Variants in CPEB3 observed in about 807,000 individuals in gnomAD.
CPEB3 encodes cytoplasmic polyadenylation element binding protein 3, also known as cytoplasmic polyadenylation element-binding protein 3.
A neutral mutation model predicts 67.2 loss-of-function variants in CPEB3; 20 were observed. That is an observed-to-expected ratio of 0.30 (90% CI 0.21 to 0.43). The LOEUF is 0.43. Ranked by LOEUF, CPEB3 falls within the 20% of genes least tolerant of loss-of-function variation. CPEB3 has a pLI of 1.00. For synonymous variants in CPEB3, 376 were observed against 393.1 expected (o/e 0.96, Z 0.51); for missense variants, 746 against 968.6 (o/e 0.77, Z 3.05).
chr10:92,227,717 G>T (rs1310626651), intron 2 of CPEB3, among the ~76,000 whole-genome samples: 3 of 149,520 alleles, frequency 2.0e-5, no homozygotes, highest in Non-Finnish European at 4.4e-5. Flanking sequence ...TCAGCCTCCC[G>T]AGTAGCTGGG....
chr10:92,245,688 T>C (rs999580998), intron 1 of CPEB3, among the ~76,000 whole-genome samples: 1 of 152,206 alleles, frequency 6.6e-6, no homozygotes, highest in African/African-American at 2.4e-5. Context: ...GTTAATGTTA[T>C]TCCTGAAGAC....
intron 2 of CPEB3, among the ~76,000 whole-genome samples, chr10:92,196,564 C>G (rs947054652): frequency 5.3e-5 from 8 of 151,942 alleles, no homozygotes; most frequent in Non-Finnish European, 7.4e-5. Flanking sequence ...GTCAGGAGAT[C>G]GAGACCATCC....
chr10:92,121,545 T>TG (rs1564797456), intron 6 of CPEB3, among the ~76,000 whole-genome samples: 3 of 151,106 alleles, frequency 2.0e-5, no homozygotes, highest in African/African-American at 7.3e-5. Flanking sequence ...TAAAAATTTG[T>TG]GGAAAAAAAA....
At chr10:92,167,918 A>T (rs1451709145) in intron 4 of CPEB3, among the ~76,000 whole-genome samples, 3 of 152,046 alleles carry the variant, frequency 2.0e-5, no homozygotes, top group African/African-American at 7.3e-5. Context: ...CAAAAAAAAT[A>T]AAATAAAATA....
At chr10:92,289,806 TTA>T (rs1451079979) in intron 1 of CPEB3, among the ~76,000 whole-genome samples, 1 of 140,218 alleles carries the variant, frequency 7.1e-6, no homozygotes, top group Non-Finnish European at 1.5e-5. Flanking sequence ...TATAAATGTA[TTA>T]TATATTATAT....
chr10:92,176,170 T>C (rs1202650352), intron 4 of CPEB3, among the ~76,000 whole-genome samples: 1 of 152,192 alleles, frequency 6.6e-6, no homozygotes, highest in Non-Finnish European at 1.5e-5. Flanking sequence ...TACCTAAATG[T>C]AAACAATGTG....
At chr10:92,077,056 T>TG (rs1385557012) in intron 9 of CPEB3, among the ~76,000 whole-genome samples, 2 of 152,112 alleles carry the variant, frequency 1.3e-5, no homozygotes, top group African/African-American at 4.8e-5. Context: ...ACTAAAAACT[T>TG]GGAGAGGTTA....
chr10:92,131,569 A>G (rs1845843425), intron 6 of CPEB3, among the ~76,000 whole-genome samples: 1 of 152,232 alleles, frequency 6.6e-6, no homozygotes, highest in African/African-American at 2.4e-5. Flanking sequence ...AGATGTCACA[A>G]TGATGACTTA....
chr10:92,199,002 T>C (rs549328962), intron 2 of CPEB3, among the ~76,000 whole-genome samples: 2 of 152,314 alleles, frequency 1.3e-5, no homozygotes, highest in African/African-American at 4.8e-5. Flanking sequence ...AAAAACTTTT[T>C]AGAGGAATTC....
intron 3 of CPEB3, among the ~76,000 whole-genome samples, chr10:92,186,002 A>C (rs1848670718): frequency 6.6e-6 from 1 of 152,048 alleles, no homozygotes; most frequent in African/African-American, 2.4e-5. Context: ...ATAGCGGGTA[A>C]TTTTTGGCAA....
chr10:92,107,169 A>T (rs1844514144), intron 7 of CPEB3, among the ~76,000 whole-genome samples: 1 of 152,234 alleles, frequency 6.6e-6, no homozygotes, highest in Non-Finnish European at 1.5e-5. Context: ...CAGATTCCTT[A>T]TTCTTACCAT....
At chr10:92,120,706 T>C (rs1212500977) in intron 6 of CPEB3, among the ~76,000 whole-genome samples, 1 of 152,158 alleles carries the variant, frequency 6.6e-6, no homozygotes, top group Non-Finnish European at 1.5e-5. Flanking sequence ...GAGTCTACAA[T>C]TCTTTTTTTT....
chr10:92,159,710 A>G (rs1241388714), intron 4 of CPEB3, among the ~76,000 whole-genome samples: 1 of 152,128 alleles, frequency 6.6e-6, no homozygotes, highest in Admixed American at 6.6e-5. Context: ...AAACAAAAAA[A>G]CTATTTATTC....
chr10:92,091,481 G>A (rs1019566849), intron 8 of CPEB3, among the ~76,000 whole-genome samples: 2 of 151,644 alleles, frequency 1.3e-5, no homozygotes, highest in Admixed American at 1.3e-4. Context: ...AAACCAACAG[G>A]GAAGCTTTAA....
chr10:92,150,158 T>C (rs568986050), intron 4 of CPEB3, among the ~76,000 whole-genome samples: 13 of 152,300 alleles, frequency 8.5e-5, no homozygotes, highest in African/African-American at 2.6e-4. Context: ...ATGAGGACTT[T>C]ATCATACTAC....
In CPEB3 at chr10:92,046,733, A is replaced by T. The variant is rs1852128695; in HGVS notation, c.*5479T>A. The T allele has an allele frequency of 6.6e-6, 1 of 152,228 alleles. No homozygotes were observed. The highest frequency in any genetic ancestry group is 1.5e-5 in the Non-Finnish European group (1 of 68,048). The allele number at this position is 152,228 out of a possible 1,614,324, so 9.4% of individuals were successfully genotyped here. A position where few individuals can be genotyped will look rare whatever the true frequency, so the allele number is the denominator to read the frequency against. On this transcript the variant is annotated 3_prime_UTR_variant, in exon 10 of 10. Transcript: ENST00000265997. ...ATTTAATAAGTTGTTATTACAGAAA[A>T]AAATGAAGTCCAAACTACAAAGTTT...
intron 9 of CPEB3, among the ~76,000 whole-genome samples, chr10:92,062,244 CAAA>C (rs35185791): frequency 8.3e-6 from 1 of 119,942 alleles, no homozygotes; most frequent in East Asian, 2.4e-4. Flanking sequence ...GACCCTGTCT[CAAA>C]AAAAAAAAAA....
At chr10:92,136,999 C>A in intron 6 of CPEB3, 1 of 211,168 alleles carries the variant, frequency 4.7e-6, no homozygotes. Context: ...GCATCTATGC[C>A]TATGGTTTTG....
At chr10:92,285,341 G>A (rs987682456) in intron 1 of CPEB3, among the ~76,000 whole-genome samples, 1 of 152,152 alleles carries the variant, frequency 6.6e-6, no homozygotes, top group African/African-American at 2.4e-5. Flanking sequence ...CACAATCTCA[G>A]CTCACTGCAA....
Sources: allele counts gnomAD v4.1 joint callset (sites outside exome capture counted in the v4.1 genomes callset), GRCh38; gene constraint gnomAD v4.1.1; transcripts MANE v1.5; gene names NCBI Gene and HGNC (gene_info 2026-07-23, HGNC 2026-07-21).